Variants in ADCY7 observed in about 807,000 individuals in gnomAD.
The protein encoded by ADCY7 is adenylate cyclase type 7.
A neutral mutation model predicts 120.6 loss-of-function variants in ADCY7; 72 were observed. The observed-to-expected ratio is 0.60, with a 90% CI of 0.49 to 0.73. The LOEUF (loss-of-function observed/expected upper bound fraction) is 0.73, where lower values mean the gene tolerates loss of function less well. ADCY7 is among the 30% of genes least tolerant of loss of function. The pLI is 0.00. For missense variants in ADCY7, 1,227 were observed against 1,486.0 expected (o/e 0.83, Z 2.87); for synonymous variants, 661 against 628.0 (o/e 1.05, Z -0.78).
chr16:50,245,763 G>T (rs569882327), upstream of ADCY7, among the ~76,000 whole-genome samples: 2 of 152,248 alleles, frequency 1.3e-5, no homozygotes, highest in Admixed American at 6.5e-5. Flanking sequence ...GGGGAGGCCT[G>T]GGGCAGAAAC....
In ADCY7 at chr16:50,315,552, C is replaced by T; in HGVS notation, c.*47C>T. Reference sequence around the variant, plus strand: ...AAGGCCGGGAAGCCAGTCTCCTTCCCTGAAGCAAGCCCAGGAGAAGACTCT... The same window carrying T: ...AAGGCCGGGAAGCCAGTCTCCTTCCTTGAAGCAAGCCCAGGAGAAGACTCT... On this transcript the variant is annotated 3_prime_UTR_variant, in exon 26 of 26. Coordinates refer to ENST00000673801, the MANE Select transcript of ADCY7 (RefSeq NM_001114.5). 1 of 1,590,734 alleles carries T rather than the reference C, an allele frequency of 6.3e-7. No individual in the cohort carries two copies.
At chr16:50,308,936 C>G (rs2302681) in intron 17 of ADCY7, 144 bp downstream of exon 17, 935,084 of 1,088,090 alleles carry the variant, frequency 0.86, 405,348 homozygotes, top group Middle Eastern at 0.93. Context: ...CCCCTTTGTA[C>G]ACTCAGGGCT....
chr16:50,284,174 T>C (rs2034444437), intron 1 of ADCY7, among the ~76,000 whole-genome samples: 1 of 152,172 alleles, frequency 6.6e-6, no homozygotes, highest in East Asian at 1.9e-4. Context: ...CCACTGGTGG[T>C]GGGTTCCTGG....
upstream of ADCY7, among the ~76,000 whole-genome samples, chr16:50,263,956 G>T (rs934992619): frequency 2.0e-5 from 3 of 152,068 alleles, no homozygotes; most frequent in African/African-American, 7.2e-5. Flanking sequence ...TACGCAAACG[G>T]GTATCCCTCA....
chr16:50,308,857 A>G, intron 17 of ADCY7, 65 bp downstream of exon 17: 1 of 1,525,094 alleles, frequency 6.6e-7, no homozygotes, highest in South Asian at 1.2e-5. Context: ...TGGGACGCCT[A>G]CAATGTGGCC....
At chr16:50,309,771 C>T (rs1596984223) in intron 18 of ADCY7, 125 bp downstream of exon 18, 1 of 846,136 alleles carries the variant, frequency 1.2e-6, no homozygotes, top group South Asian at 1.8e-5. Context: ...AGGCTGAGAA[C>T]AGCCTCTCCT....
intron 1 of ADCY7, among the ~76,000 whole-genome samples, chr16:50,247,986 G>A (rs996556955): frequency 1.3e-5 from 2 of 152,082 alleles, no homozygotes; most frequent in African/African-American, 2.4e-5. Flanking sequence ...AAGCCCCTGC[G>A]TATCCCTTGT....
chr16:50,282,913 G>A lies in ADCY7; in HGVS notation c.-268-4999G>A, dbSNP rs568208164. 4.3e-4 allele frequency among the ~76,000 whole-genome samples: 66 copies of A among 152,186 alleles called. 2 individuals are homozygous for A. In the South Asian group the frequency reaches 0.013, roughly 31 times the overall value. ...AATAAACAACTTTTTATAGCGATGG[G>A]GTCTCATTATATTGCCCAGGCTGGT... On this transcript the variant is annotated intron_variant, in intron 1 of 25. Transcript: ENST00000673801.
In ADCY7 at chr16:50,315,346, TCTTC is replaced by T. The variant is rs2151111317; in HGVS notation, c.3097-9_3097-6del. 3 of 1,601,656 alleles carry T rather than the reference TCTTC, an allele frequency of 1.9e-6. No homozygotes were observed. The South Asian group carries it at 3.3e-5, about 18-fold the overall frequency. ...CCCGCCTCTGAAGACAACAGGTCTCTCTTCCTTTTCAGGTTACCGAGGAGACCTG... is the reference window on the plus strand; with the variant it reads ...CCCGCCTCTGAAGACAACAGGTCTCTCTTTTCAGGTTACCGAGGAGACCTG... On this transcript the variant is annotated splice_polypyrimidine_tract_variant and intron_variant, in intron 25 of 25. Coordinates refer to ENST00000673801, the MANE Select transcript of ADCY7 (RefSeq NM_001114.5).
intron 18 of ADCY7, among the ~76,000 whole-genome samples, chr16:50,309,905 G>C (rs888920886): frequency 6.6e-6 from 1 of 152,204 alleles, no homozygotes; most frequent in South Asian, 2.1e-4. Context: ...GGGAGCATCT[G>C]GCCTTGTGCG....
intron 10 of ADCY7, among the ~76,000 whole-genome samples, chr16:50,303,344 G>C (rs1013526162): frequency 6.6e-6 from 1 of 152,240 alleles, no homozygotes; most frequent in Non-Finnish European, 1.5e-5. Context: ...AAAAGGAGGT[G>C]AGAGGTTTCC....
At chr16:50,293,599 C>T in intron 6 of ADCY7, 97 bp downstream of exon 6, 1 of 1,444,446 alleles carries the variant, frequency 6.9e-7, no homozygotes, top group Non-Finnish European at 9.4e-7. Context: ...GAGGCTCAGA[C>T]CCCTGCCCAT....
upstream of ADCY7, among the ~76,000 whole-genome samples, chr16:50,264,426 C>A (rs933362687): frequency 2.0e-5 from 3 of 152,234 alleles, no homozygotes; most frequent in African/African-American, 7.2e-5. Context: ...CTTCTCTGAA[C>A]ACTTGGATAG....
intron 22 of ADCY7, 63 bp downstream of exon 22, chr16:50,313,099 G>A: frequency 6.3e-7 from 1 of 1,596,216 alleles, no homozygotes; most frequent in Non-Finnish European, 8.6e-7. Flanking sequence ...GAAGGGCGGT[G>A]GCACCTGCCA....
chr16:50,271,291 G>A (rs1005934785), intron 1 of ADCY7, among the ~76,000 whole-genome samples: 2 of 152,124 alleles, frequency 1.3e-5, no homozygotes, highest in African/African-American at 4.8e-5. Context: ...GCCCAGGCTG[G>A]GGTACAGTGG....
chr16:50,247,084 AC>A (rs1273156396), intron 1 of ADCY7, among the ~76,000 whole-genome samples: 4 of 152,142 alleles, frequency 2.6e-5, no homozygotes, highest in African/African-American at 9.7e-5. Context: ...TGAATGCATG[AC>A]CAACAGGACT....
intron 1 of ADCY7, among the ~76,000 whole-genome samples, chr16:50,248,629 T>A (rs764788729): frequency 2.6e-5 from 4 of 152,234 alleles, no homozygotes; most frequent in Admixed American, 6.5e-5. Flanking sequence ...TATTTAGTCG[T>A]GCTTTCTGTG....
intron 10 of ADCY7, among the ~76,000 whole-genome samples, chr16:50,302,461 C>T (rs1567568585): frequency 6.6e-6 from 1 of 152,310 alleles, no homozygotes; most frequent in South Asian, 2.1e-4. Context: ...CTGCCTGGGC[C>T]GACTTGAATT....
chr16:50,290,186 G>A (rs1036878003), intron 2 of ADCY7, among the ~76,000 whole-genome samples: 24 of 152,244 alleles, frequency 1.6e-4, no homozygotes, highest in Admixed American at 5.2e-4. Flanking sequence ...AACCCAGAGA[G>A]GAGGCAGAGG....
Sources: allele counts gnomAD v4.1 joint callset (sites outside exome capture counted in the v4.1 genomes callset), GRCh38; gene constraint gnomAD v4.1.1; transcripts MANE v1.5; gene names NCBI Gene and HGNC (gene_info 2026-07-23, HGNC 2026-07-21).